The following OSBPL6 variants were observed in gnomAD, a reference collection of about 807,000 sequenced individuals.
OSBPL6 encodes oxysterol binding protein like 6.
Under a neutral mutation model 125.8 loss-of-function variants are expected in OSBPL6, and 49 were observed. The observed-to-expected ratio is 0.39, with a 90% confidence interval of 0.31 to 0.49. The LOEUF (loss-of-function observed/expected upper bound fraction) is 0.49. OSBPL6 is among the 20% of genes least tolerant of loss of function. The pLI is 0.88. For synonymous variants in OSBPL6, 394 were observed against 391.8 expected (o/e 1.01, Z -0.07); for missense variants, 986 against 1,135.4 (o/e 0.87, Z 1.89).
At chr2:178,274,860 C>G (rs971834737) in intron 1 of OSBPL6, among the ~76,000 whole-genome samples, 1 of 152,090 alleles carries the variant, frequency 6.6e-6, no homozygotes, top group Non-Finnish European at 1.5e-5. Context: ...AGATTGTACC[C>G]TGCTGAGCAG....
chr2:178,230,233 A>G lies in OSBPL6; in HGVS notation c.-351+35559A>G, dbSNP rs1232616262. ...CCCTACCCTGTTTCTGAGGCTGGAA[A>G]TTGTAGATTAGTTGGCTGATCATGT... On this transcript the variant is annotated intron_variant, in intron 1 of 24. Coordinates refer to ENST00000190611, the MANE Select transcript of OSBPL6 (RefSeq NM_032523.4). Among the ~76,000 whole-genome samples, 6 of 152,164 alleles carry G rather than the reference A, an allele frequency of 3.9e-5. No homozygotes were observed. In the South Asian group the frequency reaches 8.3e-4, roughly 21 times the overall value.
intron 2 of OSBPL6, among the ~76,000 whole-genome samples, chr2:178,286,582 A>G (rs763818227): frequency 2.0e-5 from 3 of 152,186 alleles, no homozygotes; most frequent in Non-Finnish European, 2.9e-5. Flanking sequence ...GGGCTTAAGG[A>G]GATCTAATTT....
intron 1 of OSBPL6, among the ~76,000 whole-genome samples, chr2:178,195,009 C>CTA (rs2153919962): frequency 6.6e-6 from 1 of 152,166 alleles, no homozygotes; most frequent in East Asian, 1.9e-4. Context: ...TTCCCTCGCG[C>CTA]GGGCCGGCGC....
intron 15 of OSBPL6, among the ~76,000 whole-genome samples, chr2:178,378,883 A>C (rs1003670519): frequency 5.9e-5 from 9 of 152,168 alleles, no homozygotes; most frequent in African/African-American, 9.7e-5. Context: ...TTGAAGAGGA[A>C]GGCCAGGCAT....
At position 178,194,630 on chromosome 2, in the gene OSBPL6, C is replaced by CGCGCAGCCGCCGCAGAGTCCGCG. The variant is rs1553516794; in HGVS notation, c.-390_-368dup. 6.5e-6 allele frequency: 1 copy of CGCGCAGCCGCCGCAGAGTCCGCG among 153,380 alleles called. No homozygotes were observed. Among genetic ancestry groups the CGCGCAGCCGCCGCAGAGTCCGCG allele is most frequent in the Non-Finnish European group, 1.4e-5 (1 of 69,104 alleles). The allele number at this position is 153,380 out of a possible 1,614,324, so 9.5% of individuals were successfully genotyped here. ...TCCGCCTCCTGCCTCCCGTCGCAGC[C>CGCGCAGCCGCCGCAGAGTCCGCG]GCGCAGCCGCCGCAGAGTCCGCGGC... On this transcript the variant is annotated 5_prime_UTR_variant, in exon 1 of 25. Transcript: ENST00000190611.
chr2:178,226,656 A>G, intron 1 of OSBPL6, among the ~76,000 whole-genome samples: 1 of 152,232 alleles, frequency 6.6e-6, no homozygotes, highest in Admixed American at 6.5e-5. Flanking sequence ...TATGGAACAG[A>G]GAAGAAATGG....
intron 2 of OSBPL6, among the ~76,000 whole-genome samples, 157 bp from the exon 3 acceptor site, chr2:178,305,873 C>T (rs7349264): frequency 0.14 from 20,465 of 143,722 alleles, 1,641 homozygotes; most frequent in Admixed American, 0.24. Flanking sequence ...TACACACTGA[C>T]ACTTTCATCT....
Position 178,385,510 on chromosome 2 carries a change from T to G in OSBPL6, c.2066T>G (p.Val689Gly). The change falls in exon 19 of 25, where the codon GTG becomes GGG. Residue 689 changes from valine (V) to glycine (G), a missense_variant. Val to Gly is a moderately radical substitution (Grantham distance 109). Around this residue, in one of 3 missense-constraint regions of OSBPL6, gnomAD observed 843 missense variants for 997.3 expected, o/e 0.85. Transcript: ENST00000190611. Reference protein sequence around the residue: ...SACHCESKNFVFWQDIRWKNK... With the variant: ...SACHCESKNFGFWQDIRWKNK... ...TGTCACTGTGAATCAAAGAATTTTG[T>G]GTTTTGGCAAGGTTTGTATTTCAAT... 1 of 1,607,378 alleles carries G rather than the reference T, an allele frequency of 6.2e-7. No individual in the cohort carries two copies. The highest frequency in any genetic ancestry group is 8.5e-7 in the Non-Finnish European group (1 of 1,174,358).
chr2:178,264,641 G>A (rs1374205444), intron 1 of OSBPL6, among the ~76,000 whole-genome samples: 1 of 152,188 alleles, frequency 6.6e-6, no homozygotes, highest in Admixed American at 6.5e-5. Flanking sequence ...CTCTGTGTGT[G>A]TATTTTCAGG....
At position 178,251,437 on chromosome 2, in the gene OSBPL6, T is replaced by G. The variant is rs138740824; in HGVS notation, c.-350-33490T>G. 1.2e-3 allele frequency among the ~76,000 whole-genome samples: 184 copies of G among 151,988 alleles called. 2 individuals are homozygous for G. Among genetic ancestry groups the G allele is most frequent in the African/African-American group, 4.3e-3 (180 of 41,426 alleles). ...TAATTTTCTGTGGCATAAAATTTCA[T>G]TAACTGTGAGTGTGCCATTTCTGCT... On this transcript the variant is annotated intron_variant, in intron 1 of 24. Transcript: ENST00000190611.
At chr2:178,241,350 G>A (rs1049108313) in intron 1 of OSBPL6, among the ~76,000 whole-genome samples, 34 of 151,718 alleles carry the variant, frequency 2.2e-4, no homozygotes, top group Admixed American at 1.6e-3. Context: ...CTGACCTCGT[G>A]GTCCTCCCGC....
intron 15 of OSBPL6, among the ~76,000 whole-genome samples, chr2:178,375,998 C>T (rs1452768850): frequency 3.3e-5 from 5 of 151,894 alleles, no homozygotes; most frequent in Non-Finnish European, 4.4e-5. Flanking sequence ...TGGCAGAGAG[C>T]GGGATAAGAA....
intron 1 of OSBPL6, among the ~76,000 whole-genome samples, chr2:178,280,290 T>C (rs1216384271): frequency 1.3e-5 from 2 of 152,200 alleles, no homozygotes; most frequent in Non-Finnish European, 2.9e-5. Flanking sequence ...CACCTAGAAA[T>C]TTGGAATGTG....
At chr2:178,355,191 G>A (rs1325412765) in intron 12 of OSBPL6, among the ~76,000 whole-genome samples, 1 of 152,052 alleles carries the variant, frequency 6.6e-6, no homozygotes, top group Non-Finnish European at 1.5e-5. Context: ...AGAAGCAAGA[G>A]CAAACAAATT....
chr2:178,223,650 T>G (rs995688248), intron 1 of OSBPL6, among the ~76,000 whole-genome samples: 3 of 152,186 alleles, frequency 2.0e-5, no homozygotes, highest in Admixed American at 2.0e-4. Context: ...GAGTATTTAG[T>G]ATTTACACTG....
At chr2:178,205,769 T>C (rs62177212) in intron 1 of OSBPL6, among the ~76,000 whole-genome samples, 6,156 of 152,268 alleles carry the variant, frequency 0.04, 163 homozygotes, top group Non-Finnish European at 0.062. Context: ...AATTCATTAA[T>C]AAATATGATA....
chr2:178,335,971 G>A (rs1689646635), intron 8 of OSBPL6, among the ~76,000 whole-genome samples: 1 of 152,212 alleles, frequency 6.6e-6, no homozygotes, highest in African/African-American at 2.4e-5. Context: ...TGAGTTAAGA[G>A]TACTGCAGTA....
Position 178,395,772 on chromosome 2 carries a change from T to TCAAAA in OSBPL6, c.*213_*214insCAAAA. Reference sequence around the variant, plus strand: ...TCTGTTTTGCTGCAACCATATTCCTTAAAAAAAAAAAAAAAAAAAAAAAAA... The same window carrying TCAAAA: ...TCTGTTTTGCTGCAACCATATTCCTTCAAAAAAAAAAAAAAAAAAAAAAAAAAAAA... On this transcript the variant is annotated 3_prime_UTR_variant, in exon 25 of 25. Coordinates refer to ENST00000190611, the MANE Select transcript of OSBPL6 (RefSeq NM_032523.4). The TCAAAA allele has an allele frequency of 4.1e-6, 1 of 241,454 alleles. No individual in the cohort carries two copies. The allele number at this position is 241,454 out of a possible 1,614,324, so 15.0% of individuals were successfully genotyped here. A position where few individuals can be genotyped will look rare whatever the true frequency, so the allele number is the denominator to read the frequency against.
intron 2 of OSBPL6, among the ~76,000 whole-genome samples, chr2:178,289,390 G>C (rs538557416): frequency 2.0e-5 from 3 of 152,198 alleles, no homozygotes; most frequent in Admixed American, 6.5e-5. Context: ...TATAAGAATA[G>C]CATAATGAAC....
Sources: allele counts gnomAD v4.1 joint callset (sites outside exome capture counted in the v4.1 genomes callset), GRCh38; gene constraint gnomAD v4.1.1; regional missense constraint gnomAD v4.1.1; transcripts MANE v1.5; gene names NCBI Gene and HGNC (gene_info 2026-07-23, HGNC 2026-07-21).